MAP2K6: variants seen among roughly 807,000 people sequenced by gnomAD.
The protein encoded by MAP2K6 is mitogen-activated protein kinase kinase 6, also known as dual specificity mitogen-activated protein kinase kinase 6.
MAP2K6 carries 16 observed loss-of-function variants against 53.7 expected under a neutral mutation model. The observed-to-expected ratio is 0.30, with a 90% CI of 0.20 to 0.45. MAP2K6 has a LOEUF of 0.45. MAP2K6 is among the 20% of genes least tolerant of loss of function. The pLI, the probability that MAP2K6 is intolerant of heterozygous loss-of-function variation, is 1.00. For missense variants in MAP2K6, 204 were observed against 411.9 expected, an observed-to-expected ratio of 0.50 and a Z score of 4.37; for synonymous variants, 132 against 143.1, an observed-to-expected ratio of 0.92 and a Z score of 0.55.
At chr17:69,418,271 G>A (rs1418757571) in intron 1 of MAP2K6, among the ~76,000 whole-genome samples, 1 of 152,040 alleles carries the variant, frequency 6.6e-6, no homozygotes, top group Non-Finnish European at 1.5e-5. Flanking sequence ...GTTAACTGTA[G>A]GGGGCTTCAG....
rs530391354 is a variant in MAP2K6 at position 69,470,038 on chromosome 17, CA to C, written c.17-35734del. 4.5e-3 allele frequency among the ~76,000 whole-genome samples: 683 copies of C among 151,772 alleles called. 6 individuals carry two copies. The highest frequency in any genetic ancestry group is 0.015 in the African/African-American group (627 of 41,400). On this transcript the variant is annotated intron_variant, in intron 1 of 11. Transcript: ENST00000590474. ...GCAACATGGCAAAACCCCATCTCTA[CA>C]AAAAAAATCCAAAACGTTAGCTGGG...
intron 1 of MAP2K6, among the ~76,000 whole-genome samples, chr17:69,499,844 G>T (rs751482602): frequency 1.1e-4 from 17 of 152,182 alleles, no homozygotes; most frequent in African/African-American, 4.1e-4. Flanking sequence ...TGTAGAGAGA[G>T]TGGACATTTT....
rs1279011401 is a variant in MAP2K6 at position 69,519,679 on chromosome 17, A to G, written c.366+247A>G. On this transcript the variant is annotated intron_variant, in intron 5 of 11. Coordinates refer to ENST00000590474, the MANE Select transcript of MAP2K6 (RefSeq NM_002758.4). Reference sequence around the variant, plus strand: ...GTCTCCTTTCTTTTTTGTTTTGTTTATCTTGGCAGAACTTTCTATATCGCC... The same window carrying G: ...GTCTCCTTTCTTTTTTGTTTTGTTTGTCTTGGCAGAACTTTCTATATCGCC... 3 of 456,878 alleles carry G rather than the reference A, an allele frequency of 6.6e-6. No individual in the cohort carries two copies. The Admixed American group carries it at 1.2e-4, about 18-fold the overall frequency. The allele number at this position is 456,878 out of a possible 1,614,324, so 28.3% of individuals were successfully genotyped here.
chr17:69,528,737 T>C (rs182289251), intron 10 of MAP2K6, among the ~76,000 whole-genome samples: 177 of 151,804 alleles, frequency 1.2e-3, no homozygotes, highest in African/African-American at 3.9e-3. Flanking sequence ...CACACACCTG[T>C]AGTCCCAGCT....
At chr17:69,506,664 A>G (rs865788022) in intron 2 of MAP2K6, among the ~76,000 whole-genome samples, 4 of 152,288 alleles carry the variant, frequency 2.6e-5, no homozygotes, top group East Asian at 1.9e-4. Flanking sequence ...GATCTTAGCT[A>G]TGATCTGCTA....
At chr17:69,481,066 T>C (rs1908335288) in intron 1 of MAP2K6, among the ~76,000 whole-genome samples, 1 of 152,214 alleles carries the variant, frequency 6.6e-6, no homozygotes, top group Admixed American at 6.5e-5. Context: ...ACATCCACAT[T>C]GGTATGCATC....
At chr17:69,460,007 T>A (rs1324671021) in intron 1 of MAP2K6, among the ~76,000 whole-genome samples, 1 of 145,834 alleles carries the variant, frequency 6.9e-6, no homozygotes, top group Admixed American at 6.8e-5. Flanking sequence ...CCTTTCTTCT[T>A]TCCTTTTTAC....
intron 1 of MAP2K6, among the ~76,000 whole-genome samples, chr17:69,421,544 G>C (rs1329059182): frequency 2.1e-5 from 3 of 141,456 alleles, no homozygotes; most frequent in Non-Finnish European, 3.1e-5. Flanking sequence ...GTTGTTTTTT[G>C]TTTTTTTTTT....
chr17:69,540,318 T>C (rs1031648547), intron 11 of MAP2K6, among the ~76,000 whole-genome samples: 1 of 152,214 alleles, frequency 6.6e-6, no homozygotes, highest in African/African-American at 2.4e-5. Context: ...TACATTTAGC[T>C]ACTCAACTGG....
chr17:69,546,999 G>A lies in MAP2K6; in HGVS notation c.*5246G>A, dbSNP rs904761175. 6.6e-6 allele frequency: 1 copy of A among 151,924 alleles called. No homozygotes were observed. Among genetic ancestry groups the A allele is most frequent in the Non-Finnish European group, 1.5e-5 (1 of 67,982 alleles). 9.4% of individuals were successfully genotyped at this position (151,924 alleles called of 1,614,324 possible). A position where few individuals can be genotyped will look rare whatever the true frequency, so the allele number is the denominator to read the frequency against. On this transcript the variant is annotated 3_prime_UTR_variant, in exon 12 of 12. Coordinates refer to ENST00000590474, the MANE Select transcript of MAP2K6 (RefSeq NM_002758.4). ...ATAGAAAGAAAGCTATTTTATTCTCGGAGGTCTATGTTCCTCTTGTGTTTG... is the reference window on the plus strand; with the variant it reads ...ATAGAAAGAAAGCTATTTTATTCTCAGAGGTCTATGTTCCTCTTGTGTTTG...
chr17:69,433,594 T>C (rs1054294781), intron 1 of MAP2K6: 2 of 152,376 alleles, frequency 1.3e-5, no homozygotes, highest in African/African-American at 4.8e-5. Context: ...TGTGGTTCAC[T>C]GCTAGGCATG....
intron 1 of MAP2K6, among the ~76,000 whole-genome samples, chr17:69,423,390 C>T (rs969732445): frequency 2.6e-5 from 4 of 152,196 alleles, no homozygotes; most frequent in Non-Finnish European, 4.4e-5. Context: ...CGACAGCTGT[C>T]GAGTTGAGTA....
intron 1 of MAP2K6, among the ~76,000 whole-genome samples, chr17:69,438,391 A>G (rs554604980): frequency 6.6e-5 from 10 of 152,284 alleles, no homozygotes; most frequent in Non-Finnish European, 1.2e-4. Context: ...TTAATTCTTC[A>G]CAAAAAATTA....
intron 1 of MAP2K6, among the ~76,000 whole-genome samples, chr17:69,435,752 A>C (rs573447168): frequency 3.3e-5 from 5 of 151,692 alleles, no homozygotes; most frequent in African/African-American, 1.2e-4. Flanking sequence ...GCTCACTGCA[A>C]CCTCCACCAG....
chr17:69,431,652 T>C (rs1406453106), intron 1 of MAP2K6, among the ~76,000 whole-genome samples: 1 of 152,168 alleles, frequency 6.6e-6, no homozygotes, highest in African/African-American at 2.4e-5. Context: ...ATTCTCTGAC[T>C]CCCTCCCTCT....
chr17:69,499,724 C>T (rs1040512886), intron 1 of MAP2K6, among the ~76,000 whole-genome samples: 3 of 151,956 alleles, frequency 2.0e-5, no homozygotes, highest in Admixed American at 6.6e-5. Flanking sequence ...GGTAGATAAA[C>T]AAGTAATAAA....
At chr17:69,497,099 T>G (rs1029059337) in intron 1 of MAP2K6, among the ~76,000 whole-genome samples, 5 of 152,228 alleles carry the variant, frequency 3.3e-5, no homozygotes, top group African/African-American at 1.2e-4. Flanking sequence ...AAGCAGCTTA[T>G]TTGTGAGCCA....
rs555643271 is a variant in MAP2K6, at chr17:69,510,127, C to T, written c.83+4281C>T. Among the ~76,000 whole-genome samples the T allele has an allele frequency of 3.4e-3, 511 of 152,140 alleles. 2 individuals are homozygous for T. Among genetic ancestry groups the T allele is most frequent in the African/African-American group, 0.011 (475 of 41,508 alleles). On this transcript the variant is annotated intron_variant, in intron 2 of 11. Coordinates refer to ENST00000590474, the MANE Select transcript of MAP2K6 (RefSeq NM_002758.4). ...TCCCAAAGTGCTGGGATTACAGGCG[C>T]GAGCCAACGTGCCCTGCCTGAGAAC...
chr17:69,422,956 T>C (rs542626090), intron 1 of MAP2K6, among the ~76,000 whole-genome samples: 2 of 152,300 alleles, frequency 1.3e-5, no homozygotes, highest in African/African-American at 4.8e-5. Context: ...CGATCTTGGC[T>C]CACTGCAATC....
Sources: allele counts gnomAD v4.1 joint callset (sites outside exome capture counted in the v4.1 genomes callset), GRCh38; gene constraint gnomAD v4.1.1; transcripts MANE v1.5; gene names NCBI Gene and HGNC (gene_info 2026-07-23, HGNC 2026-07-21).